The following SAMD4A variants were observed in gnomAD, a reference collection of about 807,000 sequenced individuals.
The protein encoded by SAMD4A is sterile alpha motif domain containing 4A, also known as protein Smaug homolog 1.
Under a neutral mutation model 81.3 loss-of-function variants are expected in SAMD4A, and 33 were observed. The observed-to-expected ratio is 0.41, with a 90% confidence interval of 0.31 to 0.54. The LOEUF (loss-of-function observed/expected upper bound fraction) is 0.54. Among genes scored for constraint, SAMD4A ranks in the 20% least tolerant of loss-of-function variants. SAMD4A has a pLI of 0.37. For missense variants in SAMD4A, 854 were observed against 951.1 expected, an observed-to-expected ratio of 0.90 and a Z score of 1.34; for synonymous variants, 389 against 382.1, an observed-to-expected ratio of 1.02 and a Z score of -0.21.
Position 54,737,162 on chromosome 14 carries a change from C to T in SAMD4A, c.854C>T (p.Pro285Leu). 6.2e-7 allele frequency: 1 copy of T among 1,614,148 alleles called. No individual in the cohort carries two copies. The highest frequency in any genetic ancestry group is 2.2e-5 in the East Asian group (1 of 44,882). Residue 285 changes from proline to leucine, a missense_variant, in exon 4 of 13, where the codon CCA (proline) becomes CTA (leucine). Physicochemically the swap from Pro to Leu is moderately conservative, Grantham distance 98. Coordinates refer to ENST00000554335, the MANE Select transcript of SAMD4A (RefSeq NM_015589.6). ...CGAGCTAGAGGACCCCAGTGCCTCCCATCCGATCATGCCCCCCTGTCTCCA... is the reference window on the plus strand; with the variant it reads ...CGAGCTAGAGGACCCCAGTGCCTCCTATCCGATCATGCCCCCCTGTCTCCA... ...DLRARGPQCLPSDHAPLSPQS... is the reference protein window; with the variant it reads ...DLRARGPQCLLSDHAPLSPQS...
Position 54,659,064 on chromosome 14 carries a change from G to A in SAMD4A, c.197-42998G>A, listed in dbSNP as rs190855220. 5.3e-5 allele frequency among the ~76,000 whole-genome samples: 8 copies of A among 152,314 alleles called. No individual in the cohort carries two copies. In the East Asian group the frequency reaches 1.5e-3, roughly 29 times the overall value. On this transcript the variant is annotated intron_variant, in intron 2 of 12. Transcript: ENST00000554335. ...ATGTCATAAGGAAGAAATCAGGCAAGGAAGGAAATAGACAAAACCTGGAAT... is the reference window on the plus strand; with the variant it reads ...ATGTCATAAGGAAGAAATCAGGCAAAGAAGGAAATAGACAAAACCTGGAAT...
chr14:54,673,239 A>G (rs567398927), intron 2 of SAMD4A, among the ~76,000 whole-genome samples: 61 of 152,290 alleles, frequency 4.0e-4, no homozygotes, highest in Admixed American at 8.5e-4. Flanking sequence ...CCCAATTTCA[A>G]TGGGAGCAGC....
chr14:54,681,772 G>T (rs1228211834), intron 2 of SAMD4A: 6 of 984,458 alleles, frequency 6.1e-6, no homozygotes, highest in Non-Finnish European at 7.2e-6. Context: ...TTTTGATGGA[G>T]CCCCAAATGA....
rs1269853929 is a variant in SAMD4A, at chr14:54,626,014, A to AGG, written c.196+57903_196+57904dup. On this transcript the variant is annotated intron_variant, in intron 2 of 12. Transcript: ENST00000554335. ...CTTACAGAATAGCAGCTCTACTGCTAGGTGTGTGTGTGTGTGTGTGTGTGT... is the reference window on the plus strand; with the variant it reads ...CTTACAGAATAGCAGCTCTACTGCTAGGGGTGTGTGTGTGTGTGTGTGTGTGT... Among the ~76,000 whole-genome samples the AGG allele has an allele frequency of 1.1e-3, 138 of 131,074 alleles. 1 individual carries two copies. In the East Asian group the frequency reaches 0.018, roughly 17 times the overall value. The allele number at this position is 131,074 out of a possible 152,430, so 86.0% of individuals were successfully genotyped here. A position where few individuals can be genotyped will look rare whatever the true frequency, so the allele number is the denominator to read the frequency against.
intron 2 of SAMD4A, chr14:54,687,935 G>A: frequency 1.0e-6 from 1 of 986,800 alleles, no homozygotes; most frequent in Non-Finnish European, 1.2e-6. Context: ...ACCCTCTGTG[G>A]CTGATGCCTC....
chr14:54,576,546 T>C (rs907868111), intron 2 of SAMD4A, among the ~76,000 whole-genome samples: 3 of 152,100 alleles, frequency 2.0e-5, no homozygotes, highest in African/African-American at 7.2e-5. Context: ...TCTATGAGCG[T>C]ATGGATGAAG....
chr14:54,777,714 G>A (rs1481183626), intron 11 of SAMD4A, among the ~76,000 whole-genome samples: 3 of 152,066 alleles, frequency 2.0e-5, no homozygotes, highest in Non-Finnish European at 2.9e-5. Context: ...GGAGGAGGAG[G>A]ACGCTGGAGG....
At chr14:54,591,266 G>A (rs1029098650) in intron 2 of SAMD4A, among the ~76,000 whole-genome samples, 1 of 152,102 alleles carries the variant, frequency 6.6e-6, no homozygotes, top group African/African-American at 2.4e-5. Context: ...TAGCCTCTAG[G>A]GGTACTTTAG....
intron 6 of SAMD4A, among the ~76,000 whole-genome samples, chr14:54,758,291 C>T (rs1027873046): frequency 1.9e-4 from 29 of 152,182 alleles, no homozygotes; most frequent in African/African-American, 6.5e-4. Flanking sequence ...CTGCCAATGA[C>T]AGGGTGTGGC....
chr14:54,747,155 C>T (rs2037989558), intron 4 of SAMD4A, among the ~76,000 whole-genome samples: 1 of 152,184 alleles, frequency 6.6e-6, no homozygotes, highest in African/African-American at 2.4e-5. Flanking sequence ...ATAATGGTCA[C>T]AGAGGGACTC....
Position 54,637,365 on chromosome 14 carries a change from C to CAAAAAA in SAMD4A, c.197-64680_197-64675dup, listed in dbSNP as rs1172084217. Among the ~76,000 whole-genome samples the CAAAAAA allele has an allele frequency of 4.2e-4, 27 of 63,762 alleles. 1 individual carries two copies. Among genetic ancestry groups the CAAAAAA allele is most frequent in the East Asian group, 2.0e-3 (4 of 2,008 alleles). 41.8% of individuals were successfully genotyped at this position (63,762 alleles called of 152,430 possible). A position where few individuals can be genotyped will look rare whatever the true frequency, so the allele number is the denominator to read the frequency against. On this transcript the variant is annotated intron_variant, in intron 2 of 12. Transcript: ENST00000554335. ...GGGCAACAAGAGCGAAACTCCATCT[C>CAAAAAA]AAAAAAAAAAAAAAAAAAAAAAGAG...
At chr14:54,788,101 G>A (rs1007496288) in intron 12 of SAMD4A, among the ~76,000 whole-genome samples, 1 of 152,274 alleles carries the variant, frequency 6.6e-6, no homozygotes, top group South Asian at 2.1e-4. Flanking sequence ...ACCTCCCCAA[G>A]ACTGTTCAGT....
chr14:54,677,923 G>A (rs940291463), intron 2 of SAMD4A, among the ~76,000 whole-genome samples: 2 of 152,170 alleles, frequency 1.3e-5, no homozygotes, highest in Non-Finnish European at 2.9e-5. Context: ...TCAGCAATTT[G>A]CATTCATTCA....
At chr14:54,568,430 G>A (rs1040711416) in intron 2 of SAMD4A, among the ~76,000 whole-genome samples, 3 of 151,768 alleles carry the variant, frequency 2.0e-5, no homozygotes, top group Non-Finnish European at 4.4e-5. Context: ...GTCAGGTCAC[G>A]TAGAGTCTGG....
intron 9 of SAMD4A, among the ~76,000 whole-genome samples, chr14:54,770,884 G>T (rs180914011): frequency 1.3e-5 from 2 of 152,284 alleles, no homozygotes; most frequent in African/African-American, 4.8e-5. Flanking sequence ...GTAGAGGAAG[G>T]GTTAAGCCTT....
chr14:54,787,286 C>A (rs544510084), intron 12 of SAMD4A, among the ~76,000 whole-genome samples: 1 of 152,190 alleles, frequency 6.6e-6, no homozygotes, highest in Non-Finnish European at 1.5e-5. Flanking sequence ...TAAAATCATA[C>A]AGAACTTATA....
At position 54,663,646 on chromosome 14, in the gene SAMD4A, C is replaced by T. The variant is rs543927045; in HGVS notation, c.197-38416C>T. Among the ~76,000 whole-genome samples, 132 of 152,254 alleles carry T rather than the reference C, an allele frequency of 8.7e-4. 1 individual carries two copies. Among genetic ancestry groups the T allele is most frequent in the African/African-American group, 3.0e-3 (125 of 41,530 alleles). ...AGCAAACAAAATTACTCTTCCAATC[C>T]CTAGAAAGGCAGCAGGTTAGAGACT... On this transcript the variant is annotated intron_variant, in intron 2 of 12. Coordinates refer to ENST00000554335, the MANE Select transcript of SAMD4A (RefSeq NM_015589.6).
At chr14:54,696,410 C>T (rs1189840523) in intron 2 of SAMD4A, among the ~76,000 whole-genome samples, 1 of 152,162 alleles carries the variant, frequency 6.6e-6, no homozygotes, top group Non-Finnish European at 1.5e-5. Context: ...CATGTAAAAC[C>T]CACCAATATT....
chr14:54,740,015 C>G (rs916225250), intron 4 of SAMD4A, among the ~76,000 whole-genome samples: 4 of 152,036 alleles, frequency 2.6e-5, no homozygotes, highest in African/African-American at 9.7e-5. Context: ...ACTAAAAATA[C>G]AAAAATTAGT....
Sources: allele counts gnomAD v4.1 joint callset (sites outside exome capture counted in the v4.1 genomes callset), GRCh38; gene constraint gnomAD v4.1.1; transcripts MANE v1.5; gene names NCBI Gene and HGNC (gene_info 2026-07-23, HGNC 2026-07-21).